The following METTL15 variants were observed in gnomAD, a reference collection of about 807,000 sequenced individuals.
The protein encoded by METTL15 is methyltransferase 15, mitochondrial 12S rRNA N4-cytidine.
Under a neutral mutation model 38.3 loss-of-function variants are expected in METTL15, and 34 were observed. That is an observed-to-expected ratio of 0.89 (90% CI 0.68 to 1.18). METTL15 has a LOEUF of 1.18. Ranked by LOEUF, METTL15 falls within the 50% of genes most tolerant of loss-of-function variation. METTL15 has a pLI of 0.00. For missense variants in METTL15, 438 were observed against 498.4 expected (o/e 0.88, Z 1.15); for synonymous variants, 162 against 170.9 (o/e 0.95, Z 0.41).
At chr11:28,178,222 A>G (rs1255519142) in intron 3 of METTL15, among the ~76,000 whole-genome samples, 3 of 151,828 alleles carry the variant, frequency 2.0e-5, no homozygotes, top group African/African-American at 7.2e-5. Context: ...CTCCTCATAA[A>G]CCAGCATTCT....
At chr11:28,527,603 G>A (rs935960957), downstream of METTL15, among the ~76,000 whole-genome samples, 1 of 152,158 alleles carries the variant, frequency 6.6e-6, no homozygotes, top group African/African-American at 2.4e-5. Flanking sequence ...ATGCACAATT[G>A]CAACTTTGCT....
chr11:28,398,296 A>T (rs896853365), intron 5 of METTL15, among the ~76,000 whole-genome samples: 3 of 151,580 alleles, frequency 2.0e-5, no homozygotes, highest in African/African-American at 7.3e-5. Context: ...AAATTGATAA[A>T]CCATAAAAAG....
chr11:28,247,569 AC>A (rs1394601825), intron 4 of METTL15, among the ~76,000 whole-genome samples: 1 of 152,060 alleles, frequency 6.6e-6, no homozygotes, highest in African/African-American at 2.4e-5. Flanking sequence ...TTGTAATTTG[AC>A]CCAAAAATGA....
intron 3 of METTL15, among the ~76,000 whole-genome samples, chr11:28,343,694 T>C (rs1377645949): frequency 1.3e-5 from 2 of 152,224 alleles, no homozygotes; most frequent in East Asian, 3.8e-4. Context: ...TTTAAAGTTG[T>C]ATTTGTGCAT....
intron 4 of METTL15, among the ~76,000 whole-genome samples, chr11:28,226,091 TTTC>T (rs1169406819): frequency 6.6e-6 from 1 of 151,998 alleles, no homozygotes; most frequent in Admixed American, 6.6e-5. Context: ...ATCCTTTTTA[TTTC>T]TTCTTCTCTT....
intron 4 of METTL15, among the ~76,000 whole-genome samples, chr11:28,275,340 G>T (rs1855802093): frequency 6.6e-6 from 1 of 151,740 alleles, no homozygotes; most frequent in Admixed American, 6.6e-5. Context: ...CTTTATGCTT[G>T]CAAATTAGAA....
chr11:28,318,048 T>C (rs1048955292), intron 6 of METTL15, among the ~76,000 whole-genome samples: 2 of 152,208 alleles, frequency 1.3e-5, no homozygotes, highest in Non-Finnish European at 2.9e-5. Context: ...CTACTGTGGG[T>C]CACTTGTTCA....
chr11:28,377,613 C>T (rs371470914), intron 5 of METTL15, among the ~76,000 whole-genome samples: 8 of 151,818 alleles, frequency 5.3e-5, no homozygotes, highest in Admixed American at 2.6e-4. Context: ...AATGTCCTCC[C>T]GTAGCTCAGA....
At chr11:28,160,587 A>G (rs1850422039) in intron 3 of METTL15, among the ~76,000 whole-genome samples, 1 of 152,120 alleles carries the variant, frequency 6.6e-6, no homozygotes, top group Admixed American at 6.6e-5. Context: ...GGCTTCTTAA[A>G]GGCAATCCTG....
At chr11:28,297,064 A>G in intron 6 of METTL15, 133 bp downstream of exon 6, 1 of 887,642 alleles carries the variant, frequency 1.1e-6, no homozygotes. Flanking sequence ...ATTCATTTGT[A>G]CTTGAAATCC....
intron 5 of METTL15, among the ~76,000 whole-genome samples, chr11:28,363,418 C>T (rs557293595): frequency 3.3e-5 from 5 of 152,258 alleles, no homozygotes; most frequent in South Asian, 2.1e-4. Context: ...GTGATCCACC[C>T]GCCTTGGCCT....
chr11:28,482,018 T>G (rs1851399567), intron 6 of METTL15, among the ~76,000 whole-genome samples: 2 of 152,146 alleles, frequency 1.3e-5, no homozygotes, highest in Admixed American at 1.3e-4. Context: ...CACCCTTGTC[T>G]GCAAACTCTC....
intron 3 of METTL15, among the ~76,000 whole-genome samples, chr11:28,188,627 C>T (rs953783000): frequency 1.3e-5 from 2 of 151,138 alleles, no homozygotes; most frequent in African/African-American, 2.4e-5. Flanking sequence ...TATATCGTAT[C>T]AGTTTCAAAG....
At chr11:28,230,366 CA>C (rs1193925101) in intron 4 of METTL15, among the ~76,000 whole-genome samples, 1 of 151,802 alleles carries the variant, frequency 6.6e-6, no homozygotes, top group Non-Finnish European at 1.5e-5. Context: ...ATTTGAAATG[CA>C]AATGATATTT....
At chr11:28,164,910 T>A (rs1230778652) in intron 3 of METTL15, among the ~76,000 whole-genome samples, 1 of 152,114 alleles carries the variant, frequency 6.6e-6, no homozygotes, top group Admixed American at 6.5e-5. Context: ...CTCTATGAGT[T>A]ACACTTTTTT....
At chr11:28,334,200 TCTC>T (rs1422187493), downstream of METTL15, among the ~76,000 whole-genome samples, 1 of 152,034 alleles carries the variant, frequency 6.6e-6, no homozygotes, top group African/African-American at 2.4e-5. Context: ...CATCCCTTCT[TCTC>T]TGTTCACATT....
At chr11:28,377,511 A>G (rs1850330735) in intron 5 of METTL15, among the ~76,000 whole-genome samples, 1 of 151,902 alleles carries the variant, frequency 6.6e-6, no homozygotes. Flanking sequence ...CAGCTCCATC[A>G]GCTCCTTTAA....
intron 5 of METTL15, among the ~76,000 whole-genome samples, chr11:28,412,648 T>C (rs1850738302): frequency 6.6e-6 from 1 of 151,966 alleles, no homozygotes; most frequent in Non-Finnish European, 1.5e-5. Flanking sequence ...GAAAGAAAAC[T>C]ATTGCATGAC....
intron 3 of METTL15, among the ~76,000 whole-genome samples, chr11:28,144,610 GGTTTAGATATATATATGTGC>G (rs1849815053): frequency 6.6e-6 from 1 of 151,818 alleles, no homozygotes; most frequent in Non-Finnish European, 1.5e-5. Flanking sequence ...GAATGACCAG[GGTTTAGATATATATATGTGC>G]GTGTGTGTAA....
Sources: gnomAD v4.1 joint callset for allele counts (sites outside exome capture counted in the v4.1 genomes callset) on GRCh38, gnomAD v4.1.1 for gene constraint, MANE v1.5 for transcripts, NCBI Gene and HGNC (gene_info 2026-07-23, HGNC 2026-07-21) for gene names.